SHC2: variants seen among roughly 807,000 people sequenced by gnomAD.
The protein encoded by SHC2 is SHC-transforming protein 2.
In SHC2, 62 loss-of-function variants were observed where a neutral mutation model predicts 60.6. The observed-to-expected ratio is 1.02, with a 90% CI of 0.83 to 1.26. SHC2 has a LOEUF of 1.26. SHC2 is among the 50% of genes most tolerant of loss of function. SHC2 has a pLI of 0.00. For missense variants in SHC2, 873 were observed against 822.2 expected, an observed-to-expected ratio of 1.06 and a Z score of -0.76; for synonymous variants, 375 against 372.4, an observed-to-expected ratio of 1.01 and a Z score of -0.08.
At chr19:426,293 T>C (rs576653436) in intron 9 of SHC2, among the ~76,000 whole-genome samples, 1 of 152,154 alleles carries the variant, frequency 6.6e-6, no homozygotes, top group African/African-American at 2.4e-5. Context: ...CTCAGCTTCT[T>C]AGGGTCAGGA....
intron 1 of SHC2, among the ~76,000 whole-genome samples, chr19:456,184 G>A (rs1344189247): frequency 3.3e-5 from 5 of 152,292 alleles, no homozygotes; most frequent in Middle Eastern, 3.4e-3. Flanking sequence ...GCCGCCGGCC[G>A]CAGCCCCCGG....
At chr19:421,413 A>AAAG (rs1974269441) in intron 11 of SHC2, among the ~76,000 whole-genome samples, 1 of 141,670 alleles carries the variant, frequency 7.1e-6, no homozygotes, top group African/African-American at 2.7e-5. Flanking sequence ...AAAAAAAAAA[A>AAAG]AAAGAAAAGA....
At chr19:419,207 G>GA in intron 11 of SHC2, 151 bp from the exon 12 acceptor site, 1 of 911,126 alleles carries the variant, frequency 1.1e-6, no homozygotes, top group East Asian at 2.9e-5. Context: ...CCAGCCAAAG[G>GA]ATCGGCCTCA....
chr19:420,233 G>A (rs910980260), intron 11 of SHC2, among the ~76,000 whole-genome samples: 1 of 152,146 alleles, frequency 6.6e-6, no homozygotes, highest in Non-Finnish European at 1.5e-5. Context: ...ACAGTCTGAG[G>A]GGGCTCAGGA....
At chr19:443,403 T>A (rs1360635527) in intron 1 of SHC2, among the ~76,000 whole-genome samples, 1 of 147,014 alleles carries the variant, frequency 6.8e-6, no homozygotes, top group Non-Finnish European at 1.5e-5. Flanking sequence ...AATGGATGGA[T>A]GGACGGGTGA....
At chr19:427,472 C>T (rs945317545) in intron 9 of SHC2, among the ~76,000 whole-genome samples, 1 of 151,328 alleles carries the variant, frequency 6.6e-6, no homozygotes, top group African/African-American at 2.4e-5. Flanking sequence ...TTGCACACGG[C>T]ACAGGGAAGG....
In SHC2 at chr19:430,719, C is replaced by T. The variant is rs1974562656; in HGVS notation, c.1139G>A (p.Cys380Tyr). Residue 380 changes from cysteine to tyrosine, a missense_variant, in exon 9 of 13, where the codon TGC becomes TAC. Transcript: ENST00000264554. The part of the protein sequence containing the change: ...QGPSPSLRDA[C>Y]SLPWDVGSTG... The stretch of plus-strand genomic sequence containing the variant: ...GGACCCCACGTCCCATGGCAGGCTG[C>T]AGGCATCTCTTAGAGAAGGAGATGG... The T allele has an allele frequency of 1.9e-5, 30 of 1,612,998 alleles. No individual in the cohort carries two copies. The highest frequency in any genetic ancestry group is 2.5e-5 in the Non-Finnish European group (29 of 1,179,830).
chr19:431,071 C>A (rs1396251329), intron 8 of SHC2, among the ~76,000 whole-genome samples: 1 of 151,694 alleles, frequency 6.6e-6, no homozygotes, highest in African/African-American at 2.4e-5. Context: ...CAGGGCTCTA[C>A]CCAAATGCCG....
chr19:451,658 C>A (rs1037143436), intron 1 of SHC2, among the ~76,000 whole-genome samples: 1 of 152,166 alleles, frequency 6.6e-6, no homozygotes, highest in Non-Finnish European at 1.5e-5. Context: ...AGTGCAGTGG[C>A]GTGATCTCGG....
At chr19:419,802 C>T (rs1974228158) in intron 11 of SHC2, 1 of 152,122 alleles carries the variant, frequency 6.6e-6, no homozygotes, top group African/African-American at 2.4e-5. Flanking sequence ...ACCCTCTTAG[C>T]GCTACCGAGC....
intron 1 of SHC2, among the ~76,000 whole-genome samples, chr19:456,033 G>A (rs999560415): frequency 6.6e-5 from 10 of 152,124 alleles, no homozygotes; most frequent in Admixed American, 3.3e-4. Flanking sequence ...TGTTCTCTCC[G>A]GCTCCCGCAG....
Position 460,913 on chromosome 19 carries a change from C to G in SHC2, c.84G>C (p.Leu28Phe), listed in dbSNP as rs1317274293. The G allele has an allele frequency of 1.0e-6, 1 of 990,258 alleles. No homozygotes were observed. Among genetic ancestry groups the G allele is most frequent in the Non-Finnish European group, 1.2e-6 (1 of 834,498 alleles). 61.3% of individuals were successfully genotyped at this position (990,258 alleles called of 1,614,324 possible). The change falls in exon 1 of 13, where the codon TTG becomes TTC. Residue 28 changes from leucine to phenylalanine, a missense_variant. Physicochemically the swap from Leu to Phe is conservative, Grantham distance 22. Transcript: ENST00000264554. ...EPEAPTTFCA[L>F]LPRMPQWKFA... Reference sequence around the variant, plus strand: ...ACTTCCACTGCGGCATTCGGGGCAGCAACGCGCAGAAGGTGGTGGGCGCCT... The same window carrying G: ...ACTTCCACTGCGGCATTCGGGGCAGGAACGCGCAGAAGGTGGTGGGCGCCT...
At chr19:456,537 A>T (rs911744311) in intron 1 of SHC2, among the ~76,000 whole-genome samples, 6 of 152,042 alleles carry the variant, frequency 3.9e-5, no homozygotes, top group Non-Finnish European at 8.8e-5. Context: ...AGGGCTTTCA[A>T]AACTGCACAC....
rs1215644719 is a variant in SHC2 at position 453,451 on chromosome 19, TG to T, written c.468+7077del. Reference sequence around the variant, plus strand: ...TGCCTGGCTAATGTTTTTTCTTTTTTGGTAGAGACAGGGTTTCACCAAGCTG... The same window carrying T: ...TGCCTGGCTAATGTTTTTTCTTTTTTGTAGAGACAGGGTTTCACCAAGCTG... On this transcript the variant is annotated intron_variant, in intron 1 of 12. Coordinates refer to ENST00000264554, the MANE Select transcript of SHC2 (RefSeq NM_012435.3). This position sits in a 1 kb window ranked among gnomAD's most constrained non-coding sequence, Gnocchi z 6.3. Among the ~76,000 whole-genome samples the T allele has an allele frequency of 3.3e-5, 5 of 152,126 alleles. No homozygotes were observed. In the South Asian group the frequency reaches 6.2e-4, roughly 19 times the overall value.
At chr19:452,335 G>A (rs113926848) in intron 1 of SHC2, among the ~76,000 whole-genome samples, 3 of 98,152 alleles carry the variant, frequency 3.1e-5, no homozygotes, top group Admixed American at 1.1e-4. Context: ...GCGTTTCTCC[G>A]TTTCATTGAG....
At chr19:430,298 A>T (rs1974547843) in intron 9 of SHC2, among the ~76,000 whole-genome samples, 1 of 152,020 alleles carries the variant, frequency 6.6e-6, no homozygotes, top group Non-Finnish European at 1.5e-5. Flanking sequence ...ACGTGCACAG[A>T]AACCTAATAC....
intron 7 of SHC2, 143 bp from the exon 8 acceptor site, chr19:435,008 C>T (rs1028452638): frequency 5.6e-5 from 45 of 805,218 alleles, no homozygotes; most frequent in African/African-American, 5.4e-4. Context: ...TACCGGGAAA[C>T]GCTTCTAGAG....
intron 8 of SHC2, among the ~76,000 whole-genome samples, chr19:434,341 ATCATGAGTGAGT>A (rs1191730731): frequency 2.7e-5 from 2 of 74,078 alleles, no homozygotes; most frequent in African/African-American, 1.2e-4. Flanking sequence ...TGTGAGTGAG[ATCATGAGTGAGT>A]GAGATCATGA....
chr19:429,654 G>A (rs12984356), intron 9 of SHC2, among the ~76,000 whole-genome samples: 23 of 75,858 alleles, frequency 3.0e-4, no homozygotes, highest in Middle Eastern at 0.011. Flanking sequence ...CAACATGCAC[G>A]GAAATCTCAT....
Sources: gnomAD v4.1 joint callset for allele counts (sites outside exome capture counted in the v4.1 genomes callset) on GRCh38, gnomAD v4.1.1 for gene constraint, Gnocchi (gnomAD v3.1) non-coding constraint, MANE v1.5 for transcripts, NCBI Gene and HGNC (gene_info 2026-07-23, HGNC 2026-07-21) for gene names.